The following CNOT10 variants were observed in gnomAD, a reference collection of about 807,000 sequenced individuals.
CNOT10 encodes CCR4-NOT transcription complex subunit 10.
In CNOT10, 30 loss-of-function variants were observed where a neutral mutation model predicts 94.6. The observed-to-expected ratio is 0.32, with a 90% CI of 0.24 to 0.43. The LOEUF is 0.43. Ranked by LOEUF, CNOT10 falls within the 20% of genes least tolerant of loss-of-function variation. The probability of loss-of-function intolerance (pLI) is 1.00; values close to 1 mark genes in which losing one functional copy is unlikely to be tolerated. For synonymous variants in CNOT10, 289 were observed against 301.6 expected (o/e 0.96, Z 0.43); for missense variants, 759 against 877.2 (o/e 0.87, Z 1.70).
At chr3:32,747,695 A>T (rs961027180) in intron 13 of CNOT10, among the ~76,000 whole-genome samples, 1 of 152,074 alleles carries the variant, frequency 6.6e-6, no homozygotes, top group African/African-American at 2.4e-5. Context: ...CACGCCTGTA[A>T]TCCCAGCACT....
At chr3:32,743,614 A>G (rs776020560) in intron 13 of CNOT10, among the ~76,000 whole-genome samples, 1 of 152,114 alleles carries the variant, frequency 6.6e-6, no homozygotes, top group Non-Finnish European at 1.5e-5. Flanking sequence ...AGCCTGGGAG[A>G]CAGACTGAGA....
intron 1 of CNOT10, among the ~76,000 whole-genome samples, chr3:32,691,088 C>T (rs1054115712): frequency 1.2e-4 from 18 of 149,646 alleles, no homozygotes; most frequent in Non-Finnish European, 2.4e-4. Context: ...CTCCATCTCC[C>T]GAGTTCAAGC....
chr3:32,711,092 G>A (rs1479954913), intron 4 of CNOT10, among the ~76,000 whole-genome samples: 2 of 152,104 alleles, frequency 1.3e-5, no homozygotes, highest in Non-Finnish European at 1.5e-5. Context: ...ACTGTTCTGG[G>A]TCTGGAGATA....
intron 14 of CNOT10, among the ~76,000 whole-genome samples, chr3:32,762,236 G>C (rs960267295): frequency 4.7e-5 from 7 of 149,768 alleles, no homozygotes; most frequent in African/African-American, 1.7e-4. Context: ...GGCCAAGACG[G>C]GCGGATCACG....
At chr3:32,731,713 G>T (rs1698962718) in intron 10 of CNOT10, among the ~76,000 whole-genome samples, 1 of 152,122 alleles carries the variant, frequency 6.6e-6, no homozygotes, top group South Asian at 2.1e-4. Flanking sequence ...CTGGGCTCTA[G>T]CGATCCACCC....
intron 1 of CNOT10, chr3:32,693,413 T>G (rs1305351256): frequency 6.6e-6 from 1 of 151,892 alleles, no homozygotes; most frequent in East Asian, 1.9e-4. Flanking sequence ...AGACAGGGTT[T>G]TGCCATGTAT....
Position 32,685,340 on chromosome 3 carries a change from T to C in CNOT10, c.-121T>C. On this transcript the variant is annotated 5_prime_UTR_variant, in exon 1 of 19. Transcript: ENST00000328834. ...TCTGCCCACTCCTCTAGCCGGAACC[T>C]GGGGGCCCGGAGCCGGGGTAGGCAC... is the stretch of plus-strand genomic sequence containing the variant. 4.2e-6 allele frequency: 5 copies of C among 1,202,290 alleles called. No homozygotes were observed. The highest frequency in any genetic ancestry group is 4.8e-6 in the Non-Finnish European group (4 of 838,558). 74.5% of individuals were successfully genotyped at this position (1,202,290 alleles called of 1,614,324 possible).
chr3:32,747,525 T>C (rs1699752075), intron 13 of CNOT10, among the ~76,000 whole-genome samples: 1 of 152,170 alleles, frequency 6.6e-6, no homozygotes, highest in Admixed American at 6.6e-5. Flanking sequence ...ATTACATTTA[T>C]GGCTTCAATT....
At chr3:32,699,457 G>A (rs1697232081) in intron 1 of CNOT10, among the ~76,000 whole-genome samples, 1 of 152,094 alleles carries the variant, frequency 6.6e-6, no homozygotes, top group African/African-American at 2.4e-5. Context: ...AATAAATAAT[G>A]AGGCTGAATT....
At chr3:32,770,474 C>T (rs182381769) in intron 18 of CNOT10, among the ~76,000 whole-genome samples, 398 of 151,020 alleles carry the variant, frequency 2.6e-3, no homozygotes, top group Admixed American at 9.7e-3. Flanking sequence ...TACAGGCGCC[C>T]GCCACCACGC....
chr3:32,698,224 C>T (rs1239542829), intron 1 of CNOT10, among the ~76,000 whole-genome samples: 1 of 152,194 alleles, frequency 6.6e-6, no homozygotes, highest in African/African-American at 2.4e-5. Flanking sequence ...TTAGCTTTTC[C>T]TCCTCCCTGT....
intron 1 of CNOT10, among the ~76,000 whole-genome samples, chr3:32,696,657 G>T (rs192982350): frequency 6.6e-5 from 10 of 152,212 alleles, no homozygotes; most frequent in African/African-American, 2.4e-4. Flanking sequence ...GGAGTGCAGT[G>T]GCACAATCTC....
chr3:32,745,884 G>A (rs962188118), intron 13 of CNOT10, among the ~76,000 whole-genome samples: 3 of 152,116 alleles, frequency 2.0e-5, no homozygotes, highest in South Asian at 2.1e-4. Context: ...CCAGCTGCTC[G>A]GGAGGCTGAG....
Position 32,773,729 on chromosome 3 carries a change from T to C in CNOT10, c.*118T>C, listed in dbSNP as rs1226493027. 9 of 1,092,188 alleles carry C rather than the reference T, an allele frequency of 8.2e-6. No individual in the cohort carries two copies. In the East Asian group the frequency reaches 2.5e-4, roughly 30 times the overall value. 67.7% of individuals were successfully genotyped at this position (1,092,188 alleles called of 1,614,324 possible). A position where few individuals can be genotyped will look rare whatever the true frequency, so the allele number is the denominator to read the frequency against. Reference sequence around the variant, plus strand: ...AAGGCTGTTAATTTTGAGTCAATTCTACCCCTGACATTTGGCCAAAAGCTT... The same window carrying C: ...AAGGCTGTTAATTTTGAGTCAATTCCACCCCTGACATTTGGCCAAAAGCTT... On this transcript the variant is annotated 3_prime_UTR_variant, in exon 19 of 19. Coordinates refer to ENST00000328834, the MANE Select transcript of CNOT10 (RefSeq NM_015442.3).
intron 5 of CNOT10, among the ~76,000 whole-genome samples, chr3:32,714,291 A>G (rs1197371067): frequency 6.6e-6 from 1 of 151,976 alleles, no homozygotes; most frequent in Admixed American, 6.6e-5. Context: ...GCATCTTTTC[A>G]TATATGAGCT....
rs779194254 is a variant in CNOT10 at position 32,727,702 on chromosome 3, A to C, written c.1047A>C (p.Leu349Phe). The C allele has an allele frequency of 6.2e-7, 1 of 1,614,092 alleles. No individual in the cohort carries two copies. Among genetic ancestry groups the C allele is most frequent in the Non-Finnish European group, 8.5e-7 (1 of 1,179,952 alleles). ...KKFSGRPMCT[L>F]LTNKRYELLY... ...TTTCAGGAAGACCCATGTGTACGTT[A>C]CTAACCAATAAGAGATATGAGTTGC... The change falls in exon 10 of 19, where the codon TTA becomes TTC. Residue 349 changes from leucine (L) to phenylalanine (F), a missense_variant. Leu to Phe is a conservative substitution (Grantham distance 22, BLOSUM62 0). Transcript: ENST00000328834.
chr3:32,769,586 G>A (rs1700807786), intron 17 of CNOT10: 1 of 275,846 alleles, frequency 3.6e-6, no homozygotes, highest in African/African-American at 2.1e-5. Context: ...TGCAGATTTT[G>A]ATGTAATTGC....
At chr3:32,726,873 G>T (rs1236256980) in intron 9 of CNOT10, among the ~76,000 whole-genome samples, 3 of 116,236 alleles carry the variant, frequency 2.6e-5, no homozygotes, top group Admixed American at 2.3e-4. Flanking sequence ...CTGAGACGAA[G>T]TCTCACCCTG....
intron 1 of CNOT10, among the ~76,000 whole-genome samples, chr3:32,686,073 T>C (rs77529960): frequency 0.061 from 9,306 of 152,238 alleles, 328 homozygotes; most frequent in African/African-American, 0.09. Flanking sequence ...CATAAAATCC[T>C]ATTGTCTCTC....
Sources: allele counts gnomAD v4.1 joint callset (sites outside exome capture counted in the v4.1 genomes callset), GRCh38; gene constraint gnomAD v4.1.1; transcripts MANE v1.5; gene names NCBI Gene and HGNC (gene_info 2026-07-23, HGNC 2026-07-21).